The following GSR variants were observed in gnomAD, a reference collection of about 807,000 sequenced individuals.
GSR encodes the protein glutathione reductase, mitochondrial.
GSR carries 48 observed loss-of-function variants against 56.5 expected under a neutral mutation model. The ratio of observed to expected loss-of-function variants is 0.85; its 90% CI spans 0.67 to 1.08. The LOEUF is 1.08. Among genes scored for constraint, GSR ranks in the 50% least tolerant of loss-of-function variants. The pLI, the probability that GSR is intolerant of heterozygous loss-of-function variation, is 0.00. For synonymous variants in GSR, 264 were observed against 270.8 expected (o/e 0.97, Z 0.25); for missense variants, 694 against 703.3 (o/e 0.99, Z 0.15).
At chr8:30,716,151 T>C (rs1804326348) in intron 1 of GSR, among the ~76,000 whole-genome samples, 1 of 152,226 alleles carries the variant, frequency 6.6e-6, no homozygotes, top group Admixed American at 6.5e-5. Context: ...TCTTGGGGAC[T>C]GTATCAGTAT....
At chr8:30,684,757 GT>G (rs965838429) in intron 9 of GSR, among the ~76,000 whole-genome samples, 3 of 150,152 alleles carry the variant, frequency 2.0e-5, no homozygotes, top group Admixed American at 6.7e-5. Context: ...TGTTTATTTA[GT>G]TTTTTTTTAG....
In GSR at chr8:30,709,788, T is replaced by G. The variant is rs764621421; in HGVS notation, c.422+26A>C. On this transcript the variant is annotated intron_variant, in intron 3 of 12. Coordinates refer to ENST00000221130, the MANE Select transcript of GSR (RefSeq NM_000637.5). ...AAGAAAAATATCTACACTTGGAAAC[T>G]GAACCCTCTGAGTGTTGACACTTAC... 2.4e-6 allele frequency: 3 copies of G among 1,269,646 alleles called. No individual in the cohort carries two copies. In the African/African-American group the frequency reaches 4.4e-5, roughly 19 times the overall value. The allele number at this position is 1,269,646 out of a possible 1,614,324, so 78.6% of individuals were successfully genotyped here.
chr8:30,726,406 T>C (rs1347152873), intron 1 of GSR, among the ~76,000 whole-genome samples: 1 of 152,172 alleles, frequency 6.6e-6, no homozygotes, highest in Non-Finnish European at 1.5e-5. Context: ...AGCATTTTAA[T>C]CGTCAACACC....
chr8:30,683,011 A>G lies in GSR; in HGVS notation c.1154-950T>C, dbSNP rs537481806. Among the ~76,000 whole-genome samples, 10 of 152,162 alleles carry G rather than the reference A, an allele frequency of 6.6e-5. No homozygotes were observed. In the South Asian group the frequency reaches 1.9e-3, roughly 28 times the overall value. On this transcript the variant is annotated intron_variant, in intron 10 of 12. Coordinates refer to ENST00000221130, the MANE Select transcript of GSR (RefSeq NM_000637.5). ...CCCAGCTAATTTTTGTATTTTTAGCAGAGATGGGGTTTCACCATGTTGGTC... is the reference window on the plus strand; with the variant it reads ...CCCAGCTAATTTTTGTATTTTTAGCGGAGATGGGGTTTCACCATGTTGGTC...
intron 11 of GSR, 43 bp downstream of exon 11, chr8:30,681,887 G>C: frequency 1.3e-6 from 2 of 1,596,468 alleles, no homozygotes; most frequent in Non-Finnish European, 1.7e-6. Flanking sequence ...GCAGGGGAAA[G>C]AGGAAGGAAA....
At chr8:30,700,625 G>A (rs1803698510) in intron 5 of GSR, among the ~76,000 whole-genome samples, 1 of 149,668 alleles carries the variant, frequency 6.7e-6, no homozygotes, top group Non-Finnish European at 1.5e-5. Context: ...TTGGGAGGCT[G>A]AGGCAGGAGA....
At chr8:30,715,654 G>C (rs1195520164) in intron 1 of GSR, among the ~76,000 whole-genome samples, 1 of 152,146 alleles carries the variant, frequency 6.6e-6, no homozygotes, top group African/African-American at 2.4e-5. Flanking sequence ...AACTAGGACA[G>C]ACTCCAAAAG....
chr8:30,689,858 T>C (rs1803304624), intron 8 of GSR, among the ~76,000 whole-genome samples: 1 of 142,744 alleles, frequency 7.0e-6, no homozygotes, highest in African/African-American at 2.5e-5. Context: ...TATATAAATA[T>C]ATTTATATAT....
rs1431856843 is a variant in GSR, at chr8:30,680,942, A to G, written c.1381T>C (p.Cys461Arg). 1 of 1,613,768 alleles carries G rather than the reference A, an allele frequency of 6.2e-7. No homozygotes were observed. The highest frequency in any genetic ancestry group is 1.1e-5 in the South Asian group (1 of 91,072). ...YHAVTKRKTK[C>R]VMKMVCANKE... ...TTAGCACAGACCATTTTCATCACACATTTTGTTTTCCTTTTGGTAACTGCG... is the reference window on the plus strand; with the variant it reads ...TTAGCACAGACCATTTTCATCACACGTTTTGTTTTCCTTTTGGTAACTGCG... Residue 461 changes from cysteine (C) to arginine (R), a missense_variant, in exon 12 of 13, where the codon TGT becomes CGT. By Grantham distance (180) the Cys-to-Arg change is radical. Transcript: ENST00000221130.
At chr8:30,722,648 C>T (rs1302715015) in intron 1 of GSR, among the ~76,000 whole-genome samples, 1 of 149,342 alleles carries the variant, frequency 6.7e-6, no homozygotes, top group Non-Finnish European at 1.5e-5. Flanking sequence ...GGGAGGGTCA[C>T]TTGAGCTTGG....
chr8:30,723,748 C>T (rs773496459), intron 1 of GSR, among the ~76,000 whole-genome samples: 5 of 150,764 alleles, frequency 3.3e-5, no homozygotes, highest in South Asian at 4.2e-4. Flanking sequence ...GCCGAGATCA[C>T]CCCACTGCAC....
At chr8:30,709,275 G>A (rs1279845808) in intron 3 of GSR, among the ~76,000 whole-genome samples, 1 of 152,140 alleles carries the variant, frequency 6.6e-6, no homozygotes, top group Non-Finnish European at 1.5e-5. Flanking sequence ...TGAAGTGGGA[G>A]GATAGCTTGA....
chr8:30,680,177 CAAT>C (rs1802894225), intron 12 of GSR, among the ~76,000 whole-genome samples: 2 of 152,074 alleles, frequency 1.3e-5, no homozygotes, highest in Admixed American at 1.3e-4. Flanking sequence ...CTTCATGATT[CAAT>C]ATCCAGAAAT....
At chr8:30,680,387 T>C (rs1199002366) in intron 12 of GSR, among the ~76,000 whole-genome samples, 1 of 142,936 alleles carries the variant, frequency 7.0e-6, no homozygotes, top group Admixed American at 7.0e-5. Context: ...TCCTGTTTTT[T>C]TTTTTTTTTT....
At chr8:30,702,242 C>T (rs1228346311) in intron 5 of GSR, among the ~76,000 whole-genome samples, 1 of 151,198 alleles carries the variant, frequency 6.6e-6, no homozygotes, top group Non-Finnish European at 1.5e-5. Flanking sequence ...ATCGCTTGAA[C>T]CCAGGAGGTG....
chr8:30,701,186 C>T (rs551839236), intron 5 of GSR, among the ~76,000 whole-genome samples: 11 of 152,140 alleles, frequency 7.2e-5, no homozygotes, highest in Non-Finnish European at 1.5e-4. Context: ...ATATATTAGG[C>T]CAGGTGCAGT....
At chr8:30,697,422 AAAACAAACAAACAAAC>A (rs150485496) in intron 6 of GSR, among the ~76,000 whole-genome samples, 1 of 148,172 alleles carries the variant, frequency 6.7e-6, no homozygotes, top group South Asian at 2.1e-4. Flanking sequence ...TCAAAAAAAC[AAAACAAACAAACAAAC>A]AAACAAACAA....
intron 1 of GSR, among the ~76,000 whole-genome samples, chr8:30,718,566 G>C (rs1045083283): frequency 2.6e-5 from 4 of 151,950 alleles, no homozygotes; most frequent in African/African-American, 9.7e-5. Flanking sequence ...AATTCCCCAG[G>C]GGCCTTCCTA....
intron 1 of GSR, among the ~76,000 whole-genome samples, chr8:30,723,556 T>C (rs2161848): frequency 0.77 from 116,540 of 151,882 alleles, 49,174 homozygotes; most frequent in Non-Finnish European, 0.94. Flanking sequence ...TTTGGGAGGC[T>C]GAGGCGGGTG....
Sources: allele counts gnomAD v4.1 joint callset (sites outside exome capture counted in the v4.1 genomes callset), GRCh38; gene constraint gnomAD v4.1.1; transcripts MANE v1.5; gene names NCBI Gene and HGNC (gene_info 2026-07-23, HGNC 2026-07-21).